The following AR variants were observed in gnomAD, a reference collection of about 807,000 sequenced individuals.
AR encodes the protein dihydrotestosterone receptor.
AR carries 8 observed loss-of-function variants against 53.9 expected under a neutral mutation model. The observed-to-expected ratio is 0.15, with a 90% CI of 0.09 to 0.27. AR has a LOEUF of 0.27. Ranked by LOEUF, AR falls within the 10% of genes least tolerant of loss-of-function variation. The pLI, the probability that AR is intolerant of heterozygous loss-of-function variation, is 1.00. For missense variants in AR, 639 were observed against 742.5 expected (o/e 0.86, Z 1.62); for synonymous variants, 359 against 316.4 (o/e 1.13, Z -1.43).
chrX:67,723,887 A>C lies in AR; in HGVS notation c.*46A>C, dbSNP rs2076147884. The C allele has an allele frequency of 1.7e-6, 2 of 1,193,123 alleles. No homozygotes were observed. The highest frequency in any genetic ancestry group is 3.5e-5 in the South Asian group (2 of 56,393). Reference sequence around the variant, plus strand: ...CCCACCCCAGCTCATGCCCCCTTTCAGATGTCTTCTGCCTGTTATAACTCT... The same window carrying C: ...CCCACCCCAGCTCATGCCCCCTTTCCGATGTCTTCTGCCTGTTATAACTCT... On this transcript the variant is annotated 3_prime_UTR_variant, in exon 8 of 8. Transcript: ENST00000374690.
chrX:67,641,617 G>A (rs1298609830), intron 1 of AR, among the ~76,000 whole-genome samples: 1 of 111,608 alleles, frequency 9.0e-6, no homozygotes, highest in Non-Finnish European at 1.9e-5. Flanking sequence ...AAGTGCTCTT[G>A]CTGGCTTTCT....
chrX:67,633,058 G>A (rs1393872500), intron 1 of AR, among the ~76,000 whole-genome samples: 1 of 112,075 alleles, frequency 8.9e-6, no homozygotes, highest in Non-Finnish European at 1.9e-5. Flanking sequence ...ATATATTGCT[G>A]GTAAAATGTA....
chrX:67,642,746 C>G (rs920162579), intron 1 of AR, among the ~76,000 whole-genome samples: 4 of 111,486 alleles, frequency 3.6e-5, no homozygotes, highest in African/African-American at 1.3e-4. Flanking sequence ...TTTATATTAC[C>G]ACTCACAGCA....
chrX:67,629,032 C>G (rs772131417), intron 1 of AR, among the ~76,000 whole-genome samples: 4 of 111,140 alleles, frequency 3.6e-5, no homozygotes, highest in Non-Finnish European at 7.5e-5. Context: ...TGCTGGATTC[C>G]GTTTGCCAGT....
chrX:67,595,851 C>G (rs965448257), intron 1 of AR, among the ~76,000 whole-genome samples: 1 of 111,207 alleles, frequency 9.0e-6, no homozygotes, highest in African/African-American at 3.3e-5. Context: ...TAATTTTCAC[C>G]TTGAAAAGCT....
chrX:67,591,786 G>T (rs1322426733), intron 1 of AR, among the ~76,000 whole-genome samples: 2 of 111,898 alleles, frequency 1.8e-5, no homozygotes, highest in African/African-American at 6.5e-5. Context: ...TCATTCTCCA[G>T]TTTCTCTTGG....
chrX:67,680,221 A>G (rs969144245), intron 2 of AR, among the ~76,000 whole-genome samples: 1 of 111,834 alleles, frequency 8.9e-6, no homozygotes, highest in African/African-American at 3.2e-5. Context: ...GGCTTTTCTG[A>G]TCTCTTCCAC....
chrX:67,582,395 G>A (rs1478967333), intron 1 of AR, among the ~76,000 whole-genome samples: 1 of 111,641 alleles, frequency 9.0e-6, no homozygotes, highest in Non-Finnish European at 1.9e-5. Context: ...GCCCTGGGAT[G>A]GTAACTTCTC....
At chrX:67,632,478 A>G (rs1276305760) in intron 1 of AR, among the ~76,000 whole-genome samples, 1 of 112,417 alleles carries the variant, frequency 8.9e-6, no homozygotes, top group African/African-American at 3.2e-5. Flanking sequence ...GAGTGAGGCA[A>G]TGCCTCGCCC....
intron 3 of AR, chrX:67,689,816 G>A (rs1301127456): frequency 1.1e-5 from 7 of 632,519 alleles, no homozygotes; most frequent in Non-Finnish European, 2.0e-6. Flanking sequence ...ATTAGCTGTG[G>A]CTTTCTCACA....
At position 67,728,615 on chromosome X, in the gene AR, A is replaced by AGT. The variant is rs1555999012; in HGVS notation, c.*4787_*4788dup. ...TATATATATATATATATATATATAT[A>AGT]GTGTGTGTGTGTGTTCTGATAGCTT... On this transcript the variant is annotated 3_prime_UTR_variant, in exon 8 of 8. Transcript: ENST00000374690. 11 of 92,944 alleles carry AGT rather than the reference A, an allele frequency of 1.2e-4. No homozygotes were observed. The highest frequency in any genetic ancestry group is 6.2e-4 in the East Asian group (3 of 4,865). 7.7% of individuals were successfully genotyped at this position (92,944 alleles called of 1,213,427 possible).
intron 1 of AR, among the ~76,000 whole-genome samples, chrX:67,550,028 G>C (rs1172339582): frequency 1.8e-5 from 2 of 111,842 alleles, no homozygotes; most frequent in Non-Finnish European, 3.8e-5. Context: ...TTGGCAAGAA[G>C]CATCTTTTCT....
intron 1 of AR, among the ~76,000 whole-genome samples, chrX:67,566,136 T>G (rs1228523431): frequency 8.9e-6 from 1 of 112,502 alleles, no homozygotes; most frequent in African/African-American, 3.2e-5. Context: ...TTGTGAAAAT[T>G]TTTTTTCATT....
intron 1 of AR, among the ~76,000 whole-genome samples, chrX:67,564,534 C>A (rs953945267): frequency 1.8e-5 from 2 of 111,578 alleles, no homozygotes; most frequent in African/African-American, 6.5e-5. Context: ...GGAATTTATC[C>A]ATTTTTTCTA....
intron 1 of AR, among the ~76,000 whole-genome samples, chrX:67,586,480 C>G (rs1034885381): frequency 1.4e-4 from 16 of 112,174 alleles, no homozygotes; most frequent in Admixed American, 1.4e-3. Context: ...TGTGATTAGT[C>G]AATTCACTTG....
chrX:67,705,828 C>A (rs751211347), intron 3 of AR, among the ~76,000 whole-genome samples: 1 of 111,377 alleles, frequency 9.0e-6, no homozygotes, highest in South Asian at 3.8e-4. Context: ...CCATCAATAC[C>A]TAATTTATTG....
intron 2 of AR, among the ~76,000 whole-genome samples, chrX:67,651,747 T>A (rs1430874967): frequency 9.0e-6 from 1 of 111,724 alleles, no homozygotes. Flanking sequence ...CTAAGAAAAT[T>A]CCAAGCACTT....
At chrX:67,564,649 T>C (rs1921477688) in intron 1 of AR, among the ~76,000 whole-genome samples, 1 of 112,099 alleles carries the variant, frequency 8.9e-6, no homozygotes, top group Non-Finnish European at 1.9e-5. Flanking sequence ...GAAATTGTAA[T>C]GGCCCTGCTA....
chrX:67,583,662 T>A (rs1233083099), intron 1 of AR, among the ~76,000 whole-genome samples: 1 of 111,813 alleles, frequency 8.9e-6, no homozygotes, highest in African/African-American at 3.3e-5. Flanking sequence ...TTCATGTACT[T>A]TGTGGCATAA....
Sources: allele counts gnomAD v4.1 joint callset (sites outside exome capture counted in the v4.1 genomes callset), GRCh38; gene constraint gnomAD v4.1.1; transcripts MANE v1.5; gene names NCBI Gene and HGNC (gene_info 2026-07-23, HGNC 2026-07-21).